Variants in C2CD3 observed in about 807,000 individuals in gnomAD.
The protein encoded by C2CD3 is C2 domain-containing protein 3.
In C2CD3, 148 loss-of-function variants were observed where a neutral mutation model predicts 234.0. That is an observed-to-expected ratio of 0.63 (90% CI 0.55 to 0.72). The LOEUF (loss-of-function observed/expected upper bound fraction) is 0.72. Ranked by LOEUF, C2CD3 falls within the 30% of genes least tolerant of loss-of-function variation. The probability of loss-of-function intolerance (pLI) is 0.00; values close to 1 mark genes in which losing one functional copy is unlikely to be tolerated. For missense variants in C2CD3, 2,577 were observed against 2,811.5 expected, an observed-to-expected ratio of 0.92 and a Z score of 1.89; for synonymous variants, 1,000 against 1,035.4, an observed-to-expected ratio of 0.97 and a Z score of 0.66.
At chr11:74,113,544 G>A in intron 11 of C2CD3, 1 of 466,574 alleles carries the variant, frequency 2.1e-6, no homozygotes, top group South Asian at 2.1e-5. Context: ...GCTGGGTGTG[G>A]TGGCATACGC....
chr11:74,143,912 A>G (rs1407688731), intron 3 of C2CD3, among the ~76,000 whole-genome samples: 1 of 152,050 alleles, frequency 6.6e-6, no homozygotes, highest in African/African-American at 2.4e-5. Context: ...AATAATTATC[A>G]TTTTATTCAG....
intron 3 of C2CD3, among the ~76,000 whole-genome samples, chr11:74,160,943 G>A (rs1231630744): frequency 3.9e-5 from 6 of 152,132 alleles, no homozygotes; most frequent in Non-Finnish European, 7.4e-5. Flanking sequence ...CCACTTACAT[G>A]AGTCAAACAA....
chr11:74,130,664 T>C (rs749456707), intron 7 of C2CD3, among the ~76,000 whole-genome samples: 2 of 152,196 alleles, frequency 1.3e-5, no homozygotes, highest in African/African-American at 4.8e-5. Flanking sequence ...GACAGATGGG[T>C]TTTTTTCTAA....
intron 5 of C2CD3, 151 bp downstream of exon 5, chr11:74,138,569 A>G (rs1290886813): frequency 1.6e-6 from 1 of 638,354 alleles, no homozygotes; most frequent in African/African-American, 1.8e-5. Context: ...CTGTCTTTAA[A>G]TGGTGTGAGA....
intron 32 of C2CD3, among the ~76,000 whole-genome samples, chr11:74,021,505 G>A (rs757361427): frequency 2.6e-4 from 39 of 152,142 alleles, no homozygotes; most frequent in Non-Finnish European, 5.3e-4. Context: ...AGAAGAAGAA[G>A]TAGGGGAAAT....
rs1431811737 is a variant in C2CD3, at chr11:74,092,495, C to T, written c.3438G>A (p.Glu1146=). 7 of 1,613,912 alleles carry T rather than the reference C, an allele frequency of 4.3e-6. No individual in the cohort carries two copies. Among genetic ancestry groups the T allele is most frequent in the Non-Finnish European group, 5.9e-6 (7 of 1,179,822 alleles). ...GATTAAAGGTCTGTATTCCCACATCCTCACGATGCTGGGTGGTTACCATAG... is the reference window on the plus strand; with the variant it reads ...GATTAAAGGTCTGTATTCCCACATCTTCACGATGCTGGGTGGTTACCATAG... ...ICAMVTTQHR[E]DVGIQTFNLP... The change falls in exon 19 of 33, where the codon GAG becomes GAA. Residue 1146 remains glutamate, a synonymous_variant. Coordinates refer to ENST00000334126, the MANE Select transcript of C2CD3 (RefSeq NM_001286577.2).
At chr11:74,024,270 C>A (rs947034892) in intron 32 of C2CD3, among the ~76,000 whole-genome samples, 3 of 152,080 alleles carry the variant, frequency 2.0e-5, no homozygotes, top group South Asian at 2.1e-4. Flanking sequence ...CTAAAAGAAA[C>A]AACAAAAATT....
At chr11:74,052,037 G>A (rs936952102) in intron 26 of C2CD3, among the ~76,000 whole-genome samples, 2 of 152,206 alleles carry the variant, frequency 1.3e-5, no homozygotes, top group African/African-American at 4.8e-5. Flanking sequence ...ACCTTGAGCA[G>A]TAGGATATAA....
intron 24 of C2CD3, among the ~76,000 whole-genome samples, chr11:74,065,705 C>T (rs1954489028): frequency 6.6e-6 from 1 of 151,994 alleles, no homozygotes; most frequent in African/African-American, 2.4e-5. Context: ...AAATGTGGCA[C>T]ATACACACCA....
At chr11:74,113,571 T>C (rs1469345764) in intron 11 of C2CD3, 1 of 539,064 alleles carries the variant, frequency 1.9e-6, no homozygotes, top group East Asian at 3.5e-5. Context: ...TCCCAGCTAC[T>C]CAGGAGGCTG....
At chr11:74,131,262 G>T (rs941254399) in intron 7 of C2CD3, among the ~76,000 whole-genome samples, 1 of 150,906 alleles carries the variant, frequency 6.6e-6, no homozygotes, top group Non-Finnish European at 1.5e-5. Context: ...GGCAGAGGTT[G>T]CAGTAAGCCG....
chr11:74,145,655 G>A (rs570618212), intron 3 of C2CD3, among the ~76,000 whole-genome samples: 2 of 152,146 alleles, frequency 1.3e-5, no homozygotes, highest in African/African-American at 4.8e-5. Context: ...CATTTCCTAG[G>A]TTCCAGAGTC....
At chr11:74,022,243 G>T (rs902541430) in intron 32 of C2CD3, among the ~76,000 whole-genome samples, 2 of 152,212 alleles carry the variant, frequency 1.3e-5, no homozygotes, top group Non-Finnish European at 2.9e-5. Flanking sequence ...GTGGATCTTG[G>T]CTGTGGGTCA....
intron 24 of C2CD3, among the ~76,000 whole-genome samples, chr11:74,068,219 T>C (rs996873882): frequency 6.6e-6 from 1 of 152,214 alleles, no homozygotes; most frequent in Non-Finnish European, 1.5e-5. Flanking sequence ...CTGCCTGATA[T>C]AGCTTTCATC....
At chr11:74,037,154 C>T (rs1443201097) in intron 30 of C2CD3, among the ~76,000 whole-genome samples, 3 of 152,120 alleles carry the variant, frequency 2.0e-5, no homozygotes, top group African/African-American at 7.2e-5. Context: ...CTCATCTAAT[C>T]TACCCCACTC....
rs1258155834 is a variant in C2CD3 at position 74,093,087 on chromosome 11, C to A, written c.3345-499G>T. Among the ~76,000 whole-genome samples the A allele has an allele frequency of 3.9e-5, 6 of 152,146 alleles. No homozygotes were observed. In the East Asian group the frequency reaches 1.2e-3, roughly 29 times the overall value. On this transcript the variant is annotated intron_variant, in intron 18 of 32. Coordinates refer to ENST00000334126, the MANE Select transcript of C2CD3 (RefSeq NM_001286577.2). ...AAAAATCTTTTTTGTACTTGACTGA[C>A]AATTAATTGTATTTAGGAAAGTGTT...
rs1242970601 is a variant in C2CD3, at chr11:74,093,817, T to C, written c.3343A>G (p.Arg1115Gly). Residue 1115 changes from arginine to glycine, a missense_variant and splice_region_variant, in exon 18 of 33, where the codon AGA becomes GGA. Physicochemically the swap from Arg to Gly is moderately radical, Grantham distance 125 (BLOSUM62 -2). Transcript: ENST00000334126. ...GGGVQFEIWC[R>G]YYYPNVRDQK... ...AGGACTGGGGTCTCCACACTGTACCTGCACCAGATTTCAAACTGGACTCCA... is the reference window on the plus strand; with the variant it reads ...AGGACTGGGGTCTCCACACTGTACCCGCACCAGATTTCAAACTGGACTCCA... 4 of 1,613,424 alleles carry C rather than the reference T, an allele frequency of 2.5e-6. No homozygotes were observed. The East Asian group carries it at 6.7e-5, about 27-fold the overall frequency.
chr11:74,044,409 C>A (rs550085962), intron 28 of C2CD3, among the ~76,000 whole-genome samples: 6 of 150,418 alleles, frequency 4.0e-5, no homozygotes, highest in Non-Finnish European at 5.9e-5. Flanking sequence ...GGGCCAAGAT[C>A]GTGCCACTGC....
At chr11:74,091,580 G>A in intron 19 of C2CD3, among the ~76,000 whole-genome samples, 1 of 152,188 alleles carries the variant, frequency 6.6e-6, no homozygotes, top group East Asian at 1.9e-4. Context: ...ACACCATCCT[G>A]CTGGAAGCAT....
Sources: allele counts gnomAD v4.1 joint callset (sites outside exome capture counted in the v4.1 genomes callset), GRCh38; gene constraint gnomAD v4.1.1; transcripts MANE v1.5; gene names NCBI Gene and HGNC (gene_info 2026-07-23, HGNC 2026-07-21).